Variants in TRIM5 observed in about 807,000 individuals in gnomAD.
TRIM5 encodes the protein tripartite motif containing 5.
Under a neutral mutation model 35.6 loss-of-function variants are expected in TRIM5, and 31 were observed. That is an observed-to-expected ratio of 0.87 (90% CI 0.65 to 1.18). The LOEUF (loss-of-function observed/expected upper bound fraction) is 1.18, where lower values mean the gene tolerates loss of function less well. TRIM5 is among the 50% of genes most tolerant of loss of function. The pLI, the probability that TRIM5 is intolerant of heterozygous loss-of-function variation, is 0.00. For synonymous variants in TRIM5, 243 were observed against 215.6 expected (o/e 1.13, Z -1.11); for missense variants, 609 against 591.6 (o/e 1.03, Z -0.31).
intron 1 of TRIM5, among the ~76,000 whole-genome samples, chr11:5,682,121 C>A (rs1852514448): frequency 6.6e-6 from 1 of 151,972 alleles, no homozygotes; most frequent in African/African-American, 2.4e-5. Context: ...TTAACTTAAC[C>A]AGACGGGTGT....
At chr11:5,643,334 G>T in the TRIM5 span, 1 of 1,613,794 alleles carries the variant, frequency 6.2e-7, no homozygotes, top group Non-Finnish European at 8.5e-7. Context: ...GGATCCTGGG[G>T]GTATACTGTA....
At chr11:5,640,900 C>G in the TRIM5 span, among the ~76,000 whole-genome samples, 3 of 150,610 alleles carry the variant, frequency 2.0e-5, no homozygotes, top group Admixed American at 6.7e-5. Flanking sequence ...AGGAATTTGT[C>G]TGTTTCATTA....
chr11:5,632,737 G>T, the TRIM5 span: 15 of 1,569,188 alleles, frequency 9.6e-6, no homozygotes, highest in Middle Eastern at 3.4e-4. Context: ...CACGGAGGAA[G>T]TATTCAAGGA....
rs1403451769 is a variant in TRIM5, at chr11:5,664,247, G to T, written c.*562C>A. On this transcript the variant is annotated 3_prime_UTR_variant, in exon 8 of 8. Transcript: ENST00000380034. Reference sequence around the variant, plus strand: ...AAGAAAAGAAAAGGAAATAAGCACAGCCATTTAAGTATGTTATTCACAGTT... The same window carrying T: ...AAGAAAAGAAAAGGAAATAAGCACATCCATTTAAGTATGTTATTCACAGTT... 3 of 963,848 alleles carry T rather than the reference G, an allele frequency of 3.1e-6. No individual in the cohort carries two copies. Among genetic ancestry groups the T allele is most frequent in the African/African-American group, 1.8e-5 (1 of 56,024 alleles). The allele number at this position is 963,848 out of a possible 1,614,324, so 59.7% of individuals were successfully genotyped here.
chr11:5,633,994 A>G, the TRIM5 span: 3 of 1,348,196 alleles, frequency 2.2e-6, no homozygotes, highest in Non-Finnish European at 2.0e-6. Context: ...ACATTGCATG[A>G]GTCCTGAAGC....
At chr11:5,608,223 C>G in the TRIM5 span, 1 of 1,159,536 alleles carries the variant, frequency 8.6e-7, no homozygotes, top group African/African-American at 1.6e-5. Flanking sequence ...TAGGGACAGT[C>G]TGCCCTGAGT....
At chr11:5,644,226 G>A in the TRIM5 span, 2 of 398,734 alleles carry the variant, frequency 5.0e-6, no homozygotes, top group Non-Finnish European at 8.8e-6. Context: ...CTTGCCTGTT[G>A]TTTTCTAATC....
chr11:5,621,176 T>C, the TRIM5 span, among the ~76,000 whole-genome samples: 1 of 152,206 alleles, frequency 6.6e-6, no homozygotes, highest in Non-Finnish European at 1.5e-5. Context: ...TGCCCGAGGC[T>C]CTGGATCACT....
the TRIM5 span, among the ~76,000 whole-genome samples, chr11:5,649,623 G>A: frequency 6.6e-6 from 1 of 152,164 alleles, no homozygotes; most frequent in South Asian, 2.1e-4. Context: ...TTAACTTCTA[G>A]TTCAATGAAA....
At chr11:5,668,763 A>G (rs2134042624) in intron 4 of TRIM5, among the ~76,000 whole-genome samples, 1 of 152,248 alleles carries the variant, frequency 6.6e-6, no homozygotes, top group Middle Eastern at 3.4e-3. Context: ...GTACTTCTTA[A>G]GGTTGCTCTC....
chr11:5,611,254 C>G, the TRIM5 span: 2 of 1,614,052 alleles, frequency 1.2e-6, no homozygotes, highest in Admixed American at 3.3e-5. Flanking sequence ...TACACTTTCT[C>G]TAAATATTAC....
At chr11:5,599,898 T>C in the TRIM5 span, among the ~76,000 whole-genome samples, 1 of 152,124 alleles carries the variant, frequency 6.6e-6, no homozygotes, top group African/African-American at 2.4e-5. Context: ...AGAGCCTCTA[T>C]TGCCTCTAGA....
the TRIM5 span, among the ~76,000 whole-genome samples, chr11:5,615,949 T>C: frequency 1.3e-5 from 2 of 150,692 alleles, no homozygotes; most frequent in Non-Finnish European, 3.0e-5. Flanking sequence ...TTTTTTTTTT[T>C]TGAGACGGAG....
chr11:5,657,024 C>T, the TRIM5 span, among the ~76,000 whole-genome samples: 2 of 152,296 alleles, frequency 1.3e-5, no homozygotes, highest in South Asian at 4.1e-4. Context: ...ATGTTTATTG[C>T]AGCACTATTC....
chr11:5,651,147 G>T, the TRIM5 span, among the ~76,000 whole-genome samples: 122 of 152,274 alleles, frequency 8.0e-4, no homozygotes, highest in African/African-American at 2.9e-3. Context: ...TTGGTTGTAG[G>T]CATGGCCAGA....
the TRIM5 span, among the ~76,000 whole-genome samples, chr11:5,615,760 A>G: frequency 6.7e-6 from 1 of 150,182 alleles, no homozygotes; most frequent in Admixed American, 6.7e-5. Context: ...CGTCCGGCTA[A>G]TATTGTATTT....
At chr11:5,596,188 G>A in the TRIM5 span, 1 of 152,284 alleles carries the variant, frequency 6.6e-6, no homozygotes, top group South Asian at 2.1e-4. Flanking sequence ...CCAGGTTAGT[G>A]AGCAAGTTTA....
chr11:5,604,121 A>G, the TRIM5 span, among the ~76,000 whole-genome samples: 3 of 152,048 alleles, frequency 2.0e-5, no homozygotes, highest in South Asian at 4.1e-4. Context: ...TGGCCTCCCA[A>G]GTAGCTAGGA....
the TRIM5 span, among the ~76,000 whole-genome samples, chr11:5,621,799 G>C: frequency 6.6e-6 from 1 of 152,126 alleles, no homozygotes; most frequent in East Asian, 1.9e-4. Context: ...GAATGCAACA[G>C]GTTGTCCTTC....
Sources: allele counts gnomAD v4.1 joint callset (sites outside exome capture counted in the v4.1 genomes callset), GRCh38; gene constraint gnomAD v4.1.1; transcripts MANE v1.5; gene names NCBI Gene and HGNC (gene_info 2026-07-23, HGNC 2026-07-21).